Variants in AGBL1 observed in about 807,000 individuals in gnomAD.
The protein encoded by AGBL1 is AGBL carboxypeptidase 1.
Under a neutral mutation model 118.9 loss-of-function variants are expected in AGBL1, and 130 were observed. The ratio of observed to expected loss-of-function variants is 1.09; its 90% CI spans 0.95 to 1.26. The LOEUF (loss-of-function observed/expected upper bound fraction) is 1.26, where lower values mean the gene tolerates loss of function less well. Ranked by LOEUF, AGBL1 falls within the 50% of genes most tolerant of loss-of-function variation. The pLI is 0.00. For missense variants in AGBL1, 1,584 were observed against 1,298.1 expected (o/e 1.22, Z -3.38); for synonymous variants, 555 against 478.9 (o/e 1.16, Z -2.08).
chr15:86,167,311 T>C (rs941343095), intron 5 of AGBL1, among the ~76,000 whole-genome samples: 12 of 151,874 alleles, frequency 7.9e-5, no homozygotes, highest in Admixed American at 3.3e-4. Context: ...AGTGGCCTGA[T>C]CCTGGCTCGC....
chr15:86,551,400 G>C (rs2083661330), intron 20 of AGBL1, among the ~76,000 whole-genome samples: 1 of 151,988 alleles, frequency 6.6e-6, no homozygotes, highest in African/African-American at 2.4e-5. Flanking sequence ...TTGAAAGAAG[G>C]GGCATCACTA....
At position 86,784,083 on chromosome 15, in the gene AGBL1, C is replaced by T. The variant is rs147251184; in HGVS notation, c.3158+109647C>T. The stretch of plus-strand genomic sequence containing the variant: ...TGTGCAATTTTGCACAATCTCTTAA[C>T]CTCAGTTCCCTGTCTGTAATATGTG... On this transcript the variant is annotated intron_variant, in intron 22 of 22. Coordinates refer to ENST00000614907, the MANE Select transcript of AGBL1 (RefSeq NM_001386094.1). 5.4e-3 allele frequency among the ~76,000 whole-genome samples: 829 copies of T among 152,296 alleles called. 5 individuals are homozygous for T. The highest frequency in any genetic ancestry group is 0.01 in the Middle Eastern group (3 of 294).
chr15:86,146,134 G>C (rs2077030791), intron 3 of AGBL1, among the ~76,000 whole-genome samples: 1 of 152,126 alleles, frequency 6.6e-6, no homozygotes, highest in Non-Finnish European at 1.5e-5. Context: ...TCTGAGCTTT[G>C]TGCCCTTATG....
At chr15:86,740,421 C>G (rs1347386811) in intron 22 of AGBL1, among the ~76,000 whole-genome samples, 1 of 151,936 alleles carries the variant, frequency 6.6e-6, no homozygotes, top group East Asian at 1.9e-4. Flanking sequence ...CCAGGTATGC[C>G]CCACACTCTT....
intron 17 of AGBL1, among the ~76,000 whole-genome samples, chr15:86,356,880 G>C (rs2080729892): frequency 6.6e-6 from 1 of 152,168 alleles, no homozygotes; most frequent in Non-Finnish European, 1.5e-5. Context: ...AAGGGTACCA[G>C]AATTGTCCAA....
At chr15:86,991,922 C>T (rs1402996692) in intron 24 of AGBL1, among the ~76,000 whole-genome samples, 1 of 152,124 alleles carries the variant, frequency 6.6e-6, no homozygotes, top group Non-Finnish European at 1.5e-5. Context: ...TTCTCTGTAT[C>T]TTCCCTATAC....
chr15:86,851,955 T>C (rs1596551365), intron 22 of AGBL1, among the ~76,000 whole-genome samples: 1 of 152,158 alleles, frequency 6.6e-6, no homozygotes, highest in Non-Finnish European at 1.5e-5. Flanking sequence ...TGTTTAGTTG[T>C]AAAAAGACGA....
intron 17 of AGBL1, among the ~76,000 whole-genome samples, chr15:86,361,794 A>C (rs1217947374): frequency 6.6e-6 from 1 of 152,094 alleles, no homozygotes; most frequent in East Asian, 1.9e-4. Context: ...TTCACATGGA[A>C]TATCTTTTTC....
chr15:86,473,281 G>A (rs953415992), intron 18 of AGBL1, among the ~76,000 whole-genome samples: 1 of 152,296 alleles, frequency 6.6e-6, no homozygotes, highest in African/African-American at 2.4e-5. Context: ...TAGGAAGAGT[G>A]AGGCCCCCTC....
At chr15:86,686,523 T>C (rs1180905940) in intron 22 of AGBL1, among the ~76,000 whole-genome samples, 2 of 149,588 alleles carry the variant, frequency 1.3e-5, no homozygotes, top group Non-Finnish European at 3.0e-5. Context: ...CTGCAACCTC[T>C]GCCTCCTGGG....
chr15:86,866,683 G>A lies in AGBL1; in HGVS notation c.3159-40404G>A, dbSNP rs529500714. ...AGCCTGGCCAACATGGTAAAACCCC[G>A]TCTCTACTAAAAACACAAAAATTAG... On this transcript the variant is annotated intron_variant, in intron 22 of 22. Transcript: ENST00000614907. Among the ~76,000 whole-genome samples the A allele has an allele frequency of 1.1e-4, 16 of 152,188 alleles. No homozygotes were observed. In the East Asian group the frequency reaches 1.9e-3, roughly 18 times the overall value.
rs2084684963 is a variant in AGBL1, at chr15:86,613,568, G to T, written c.2994+59031G>T. 1.3e-5 allele frequency among the ~76,000 whole-genome samples: 2 copies of T among 152,192 alleles called. No homozygotes were observed. The highest frequency in any genetic ancestry group is 4.1e-4 in the South Asian group (2 of 4,830). ...AAGAGCTAGAACTAGGAATTGTAAA[G>T]TAGGAAATTACCTGAGCCAGATTTC... On this transcript the variant is annotated intron_variant, in intron 21 of 22. Coordinates refer to ENST00000614907, the MANE Select transcript of AGBL1 (RefSeq NM_001386094.1). This position sits in a 1 kb window ranked among gnomAD's most constrained non-coding sequence, Gnocchi z 4.2.
At chr15:86,885,462 T>C (rs567419448) in intron 22 of AGBL1, among the ~76,000 whole-genome samples, 10 of 152,296 alleles carry the variant, frequency 6.6e-5, no homozygotes, top group Admixed American at 2.0e-4. Context: ...ATACCATACG[T>C]TGATTATTTA....
intron 5 of AGBL1, among the ~76,000 whole-genome samples, chr15:86,169,090 T>A (rs2120646): frequency 0.024 from 3,624 of 152,264 alleles, 66 homozygotes; most frequent in East Asian, 0.07. Context: ...AGTTTCTAGA[T>A]TGCAGTGCAG....
chr15:86,821,436 A>G (rs1474282746), intron 22 of AGBL1, among the ~76,000 whole-genome samples: 12 of 152,236 alleles, frequency 7.9e-5, no homozygotes, highest in Admixed American at 7.9e-4. Flanking sequence ...ATGAAGAACA[A>G]CATTTTGGTC....
chr15:86,769,627 T>C (rs2078144861), intron 22 of AGBL1, among the ~76,000 whole-genome samples: 1 of 152,028 alleles, frequency 6.6e-6, no homozygotes, highest in African/African-American at 2.4e-5. Context: ...CCAAGGTATC[T>C]GAGTCCAAGG....
rs2078106921 is a variant in AGBL1 at position 86,767,081 on chromosome 15, C to T, written c.3158+92645C>T. Among the ~76,000 whole-genome samples, 2 of 151,950 alleles carry T rather than the reference C, an allele frequency of 1.3e-5. 1 individual carries two copies. The highest frequency in any genetic ancestry group is 4.1e-4 in the South Asian group (2 of 4,826). ...ATGAGGTATTCAGTTGTGTTTAATG[C>T]TTAATTCTTAGCTATTGCTTAAATA... On this transcript the variant is annotated intron_variant, in intron 22 of 22. Transcript: ENST00000614907.
intron 5 of AGBL1, among the ~76,000 whole-genome samples, chr15:86,198,277 G>A (rs1220926436): frequency 1.3e-5 from 2 of 152,152 alleles, no homozygotes; most frequent in East Asian, 1.9e-4. Flanking sequence ...CTGGTCTCAT[G>A]AGCTCACAGC....
In AGBL1 at chr15:86,307,636, G is replaced by A. The variant is rs935858066; in HGVS notation, c.2374+12228G>A. ...TCTTCTCTCAGCAGCATAGGGTGGC[G>A]TGTGCCTGTAGTCCCAACCATTTGA... On this transcript the variant is annotated intron_variant, in intron 17 of 22. Transcript: ENST00000614907. Among the ~76,000 whole-genome samples, 6 of 152,074 alleles carry A rather than the reference G, an allele frequency of 3.9e-5. No individual in the cohort carries two copies. In the East Asian group the frequency reaches 7.7e-4, roughly 20 times the overall value.
Sources: allele counts gnomAD v4.1 joint callset (sites outside exome capture counted in the v4.1 genomes callset), GRCh38; gene constraint gnomAD v4.1.1; non-coding constraint Gnocchi (gnomAD v3.1); transcripts MANE v1.5; gene names NCBI Gene and HGNC (gene_info 2026-07-23, HGNC 2026-07-21).